Variants in APBB2 observed in about 807,000 individuals in gnomAD.
APBB2 encodes Fe65-like 1.
A neutral mutation model predicts 82.5 loss-of-function variants in APBB2; 38 were observed. That is an observed-to-expected ratio of 0.46 (90% CI 0.36 to 0.60). The LOEUF (loss-of-function observed/expected upper bound fraction) is 0.60, where lower values mean the gene tolerates loss of function less well. APBB2 is among the 20% of genes least tolerant of loss of function. The pLI, the probability that APBB2 is intolerant of heterozygous loss-of-function variation, is 0.00. For synonymous variants in APBB2, 341 were observed against 368.2 expected, an observed-to-expected ratio of 0.93 and a Z score of 0.85; for missense variants, 772 against 972.3, an observed-to-expected ratio of 0.79 and a Z score of 2.74.
intron 1 of APBB2, among the ~76,000 whole-genome samples, chr4:41,194,420 T>C: frequency 1.3e-5 from 2 of 152,198 alleles, no homozygotes; most frequent in Non-Finnish European, 2.9e-5. Context: ...CAGTGGCTCA[T>C]GCCTGTAATC....
At chr4:40,980,254 G>C (rs1418644002) in intron 6 of APBB2, among the ~76,000 whole-genome samples, 1 of 152,176 alleles carries the variant, frequency 6.6e-6, no homozygotes. Context: ...GAACTCCTGA[G>C]CTCAGGCAAT....
chr4:40,930,073 G>A (rs1378764022), intron 10 of APBB2, among the ~76,000 whole-genome samples: 1 of 152,080 alleles, frequency 6.6e-6, no homozygotes, highest in Non-Finnish European at 1.5e-5. Context: ...TCCTAGGCTG[G>A]GTCCTGGAAC....
At position 41,086,586 on chromosome 4, in the gene APBB2, C is replaced by A. The variant is rs544087843; in HGVS notation, c.-149+14053G>T. 1.1e-3 allele frequency among the ~76,000 whole-genome samples: 174 copies of A among 152,096 alleles called. 1 individual carries two copies. Among genetic ancestry groups the A allele is most frequent in the African/African-American group, 4.1e-3 (170 of 41,520 alleles). ...AAACACATCATCATCTCATTTGATA[C>A]AAAAAGAGCATTTGACAAAATTCAG... On this transcript the variant is annotated intron_variant, in intron 3 of 17. Coordinates refer to ENST00000508593, the MANE Select transcript of APBB2 (RefSeq NM_004307.2).
chr4:41,171,235 T>C (rs1768151856), intron 1 of APBB2, among the ~76,000 whole-genome samples: 1 of 152,226 alleles, frequency 6.6e-6, no homozygotes, highest in South Asian at 2.1e-4. Flanking sequence ...ACACATGTGC[T>C]GAAAAATAAC....
intron 4 of APBB2, among the ~76,000 whole-genome samples, chr4:41,063,703 G>T (rs1383147006): frequency 6.6e-6 from 1 of 152,052 alleles, no homozygotes; most frequent in Admixed American, 6.6e-5. Flanking sequence ...TTTTGAAACA[G>T]AGTCTCGCTC....
intron 2 of APBB2, among the ~76,000 whole-genome samples, chr4:41,107,944 A>G (rs1005919586): frequency 6.6e-6 from 1 of 152,232 alleles, no homozygotes; most frequent in African/African-American, 2.4e-5. Flanking sequence ...AAAAGACAGT[A>G]TTAGGGTAAC....
chr4:40,913,478 G>A (rs551127652), intron 10 of APBB2, among the ~76,000 whole-genome samples: 2 of 152,250 alleles, frequency 1.3e-5, no homozygotes, highest in East Asian at 1.9e-4. Context: ...TCCTTCCTCC[G>A]AATAGCTCAA....
In APBB2 at chr4:41,069,022, T is replaced by C. The variant is rs549343687; in HGVS notation, c.-148-3349A>G. ...TGTTGGCCAGGATGGTCTCGATCTC[T>C]TGACCTTGTGATCTGCCCGCCTCGG... On this transcript the variant is annotated intron_variant, in intron 3 of 17. Coordinates refer to ENST00000508593, the MANE Select transcript of APBB2 (RefSeq NM_004307.2). 2.8e-4 allele frequency among the ~76,000 whole-genome samples: 43 copies of C among 152,120 alleles called. No homozygotes were observed. In the South Asian group the frequency reaches 7.5e-3, roughly 26 times the overall value.
chr4:40,866,880 G>C (rs1020884121), intron 12 of APBB2, among the ~76,000 whole-genome samples: 1 of 152,038 alleles, frequency 6.6e-6, no homozygotes, highest in African/African-American at 2.4e-5. Context: ...ACCATGCCTG[G>C]CTAATTTTTT....
At chr4:41,169,725 G>C (rs1379721442) in intron 1 of APBB2, among the ~76,000 whole-genome samples, 1 of 152,112 alleles carries the variant, frequency 6.6e-6, no homozygotes, top group Non-Finnish European at 1.5e-5. Context: ...TTTCCAAACT[G>C]TAATCATTTC....
chr4:41,209,728 T>C (rs889450616), intron 1 of APBB2, among the ~76,000 whole-genome samples: 2 of 152,226 alleles, frequency 1.3e-5, no homozygotes, highest in Non-Finnish European at 2.9e-5. Context: ...AATCTAATCA[T>C]TACCTTATCT....
chr4:41,119,043 G>A (rs1235814615), intron 2 of APBB2, among the ~76,000 whole-genome samples: 1 of 152,054 alleles, frequency 6.6e-6, no homozygotes, highest in African/African-American at 2.4e-5. Context: ...GGAGGAGGGG[G>A]CAGGAAGATG....
At chr4:41,194,553 G>T in intron 1 of APBB2, among the ~76,000 whole-genome samples, 55,569 of 151,944 alleles carry the variant, frequency 0.37, 10,269 homozygotes, top group Non-Finnish European at 0.38. Context: ...CATGGTGGCA[G>T]GCGCCTGTAG....
intron 4 of APBB2, among the ~76,000 whole-genome samples, chr4:41,041,084 G>A (rs1166250286): frequency 6.6e-6 from 1 of 152,096 alleles, no homozygotes; most frequent in Non-Finnish European, 1.5e-5. Flanking sequence ...GTTTCACCGT[G>A]TTAGCCAGGA....
At chr4:40,968,262 G>A (rs1277128585) in intron 6 of APBB2, among the ~76,000 whole-genome samples, 1 of 152,156 alleles carries the variant, frequency 6.6e-6, no homozygotes, top group Non-Finnish European at 1.5e-5. Context: ...CTATGTTCCT[G>A]AGTACCTATT....
chr4:41,049,686 T>C (rs1337981955), intron 4 of APBB2, among the ~76,000 whole-genome samples: 1 of 152,176 alleles, frequency 6.6e-6, no homozygotes, highest in Non-Finnish European at 1.5e-5. Context: ...TTTTGTCTAA[T>C]AGAAAAGGGG....
intron 2 of APBB2, among the ~76,000 whole-genome samples, chr4:41,125,022 C>T (rs1052930710): frequency 2.0e-5 from 3 of 152,152 alleles, no homozygotes; most frequent in African/African-American, 4.8e-5. Flanking sequence ...GGGTACAATG[C>T]GTTGCCTACA....
At chr4:40,908,964 C>T (rs920899602) in intron 10 of APBB2, among the ~76,000 whole-genome samples, 1 of 152,222 alleles carries the variant, frequency 6.6e-6, no homozygotes, top group Non-Finnish European at 1.5e-5. Flanking sequence ...CTGCTAGCTG[C>T]GTCCTCCTCC....
At chr4:41,040,018 T>C (rs1720731612) in intron 4 of APBB2, among the ~76,000 whole-genome samples, 1 of 152,078 alleles carries the variant, frequency 6.6e-6, no homozygotes, top group Non-Finnish European at 1.5e-5. Flanking sequence ...TGTATTCTTT[T>C]TCTGCCCCAT....
Sources: gnomAD v4.1 joint callset for allele counts (sites outside exome capture counted in the v4.1 genomes callset) on GRCh38, gnomAD v4.1.1 for gene constraint, MANE v1.5 for transcripts, NCBI Gene and HGNC (gene_info 2026-07-23, HGNC 2026-07-21) for gene names.